The following HIVEP3 variants were observed in gnomAD, a reference collection of about 807,000 sequenced individuals.
The protein encoded by HIVEP3 is HIVEP zinc finger 3, also known as transcription factor HIVEP3.
HIVEP3 carries 49 observed loss-of-function variants against 152.8 expected under a neutral mutation model. The ratio of observed to expected loss-of-function variants is 0.32; its 90% CI spans 0.26 to 0.41. The LOEUF (loss-of-function observed/expected upper bound fraction) is 0.41, where lower values mean the gene tolerates loss of function less well. HIVEP3 is among the 10% of genes least tolerant of loss of function. The probability of loss-of-function intolerance (pLI) is 1.00; values close to 1 mark genes in which losing one functional copy is unlikely to be tolerated. For missense variants in HIVEP3, 2,790 were observed against 3,103.3 expected (o/e 0.90, Z 2.40); for synonymous variants, 1,269 against 1,289.0 (o/e 0.98, Z 0.33).
intron 1 of HIVEP3, among the ~76,000 whole-genome samples, chr1:41,807,300 G>A (rs1650690723): frequency 6.6e-6 from 1 of 152,162 alleles, no homozygotes; most frequent in Non-Finnish European, 1.5e-5. Context: ...ACGATGAAGG[G>A]AAGTGCAAAC....
rs1474050479 is a variant in HIVEP3, at chr1:41,662,591, G to T, written c.-720-33644C>A. ...GCAGATGGGCCCGGGCGCGGCTGGC[G>T]GCTGCCAGGGGAGGGTCTCCTCGCC... On this transcript the variant is annotated intron_variant, in intron 2 of 8. Transcript: ENST00000372583. The surrounding 1 kb of genome is among the most constrained non-coding windows in gnomAD (Gnocchi z 7.2). Among the ~76,000 whole-genome samples the T allele has an allele frequency of 6.6e-6, 1 of 150,994 alleles. No individual in the cohort carries two copies. The highest frequency in any genetic ancestry group is 2.0e-4 in the East Asian group (1 of 5,070).
In HIVEP3 at chr1:41,580,678, G is replaced by A. The variant is rs1448322833; in HGVS notation, c.4120C>T (p.His1374Tyr). 5 of 1,612,030 alleles carry A rather than the reference G, an allele frequency of 3.1e-6. No individual in the cohort carries two copies. The highest frequency in any genetic ancestry group is 4.2e-6 in the Non-Finnish European group (5 of 1,178,992). The change falls in exon 4 of 9, where the codon CAT (histidine) becomes TAT (tyrosine). Residue 1374 changes from histidine (H) to tyrosine (Y), a missense_variant. Physicochemically the swap from His to Tyr is moderately conservative, Grantham distance 83. This residue lies in a region of HIVEP3 where 1,078 missense variants were observed against 1,165.3 expected (regional missense o/e 0.93). Coordinates refer to ENST00000372583, the MANE Select transcript of HIVEP3 (RefSeq NM_024503.5). ...CCAGAAGGGCCGGGCCCAACCTCATGCACATCTGCACCACATACAGTCGTC... is the reference window on the plus strand; with the variant it reads ...CCAGAAGGGCCGGGCCCAACCTCATACACATCTGCACCACATACAGTCGTC... ...KGTTVCGADV[H>Y]EVGPGPSGLS... is the part of the protein sequence containing the mutation.
At chr1:41,731,645 G>C (rs1011789639) in intron 1 of HIVEP3, among the ~76,000 whole-genome samples, 2 of 152,198 alleles carry the variant, frequency 1.3e-5, no homozygotes, top group African/African-American at 4.8e-5. Flanking sequence ...CTATGGAGAT[G>C]CCCATGTGGG....
At chr1:42,011,021 TAACA>T (rs1645489474) in intron 1 of HIVEP3, among the ~76,000 whole-genome samples, 1 of 152,192 alleles carries the variant, frequency 6.6e-6, no homozygotes, top group Non-Finnish European at 1.5e-5. Flanking sequence ...CCCACTGAAA[TAACA>T]AACTGCAAGC....
chr1:41,879,731 T>G (rs1298932778), intron 1 of HIVEP3, among the ~76,000 whole-genome samples: 1 of 152,208 alleles, frequency 6.6e-6, no homozygotes, highest in East Asian at 1.9e-4. Flanking sequence ...TAAGTACCTC[T>G]GACTTAGGGG....
intron 1 of HIVEP3, among the ~76,000 whole-genome samples, chr1:42,025,886 A>T (rs770318367): frequency 6.6e-6 from 1 of 152,138 alleles, no homozygotes; most frequent in Non-Finnish European, 1.5e-5. Context: ...CCTGGGCAAC[A>T]TGGCAAAACC....
At chr1:41,980,460 C>T (rs1645288079) in intron 1 of HIVEP3, among the ~76,000 whole-genome samples, 3 of 152,090 alleles carry the variant, frequency 2.0e-5, no homozygotes, top group South Asian at 4.1e-4. Context: ...ACAAAGACTA[C>T]CTATTATATG....
At chr1:41,658,582 C>A (rs1023988762) in intron 2 of HIVEP3, among the ~76,000 whole-genome samples, 2 of 152,188 alleles carry the variant, frequency 1.3e-5, no homozygotes, top group Non-Finnish European at 2.9e-5. Flanking sequence ...TTCACCCCCC[C>A]CATGAGCCTC....
chr1:41,776,863 C>A (rs72959400), intron 1 of HIVEP3, among the ~76,000 whole-genome samples: 3,564 of 152,254 alleles, frequency 0.023, 147 homozygotes, highest in African/African-American at 0.082. Flanking sequence ...ACTCTTACAG[C>A]AGATCTTCAC....
At chr1:41,776,117 C>T (rs114259836) in intron 1 of HIVEP3, among the ~76,000 whole-genome samples, 199 of 152,280 alleles carry the variant, frequency 1.3e-3, no homozygotes, top group African/African-American at 4.5e-3. Context: ...TAAACAAAGC[C>T]CTCAGTCAGA....
At chr1:41,952,367 A>C (rs1645113407) in intron 1 of HIVEP3, among the ~76,000 whole-genome samples, 1 of 152,112 alleles carries the variant, frequency 6.6e-6, no homozygotes, top group African/African-American at 2.4e-5. Context: ...GTCTCTCCAA[A>C]ATCTTCCTCA....
chr1:41,668,261 A>G (rs1410159223), intron 2 of HIVEP3, among the ~76,000 whole-genome samples: 5 of 152,250 alleles, frequency 3.3e-5, no homozygotes, highest in Admixed American at 6.5e-5. Flanking sequence ...TGCACACTAC[A>G]GAAAATAACT....
chr1:42,005,352 T>C (rs1265889441), intron 1 of HIVEP3, among the ~76,000 whole-genome samples: 1 of 152,134 alleles, frequency 6.6e-6, no homozygotes, highest in Non-Finnish European at 1.5e-5. Context: ...CATACATATA[T>C]ATGTATACAT....
Position 41,992,059 on chromosome 1 carries a change from C to A in HIVEP3, n.119+43748G>T, listed in dbSNP as rs377754551. ...CCAATATCATACTGAATGGGCAAAA[C>A]CTGGAAGCATTCCCTTTGAAAACTG... On this transcript the variant is annotated intron_variant and non_coding_transcript_variant, in intron 1 of 3. Transcript: ENST00000489103. 9.4e-5 allele frequency among the ~76,000 whole-genome samples: 14 copies of A among 148,524 alleles called. No homozygotes were observed. The South Asian group carries it at 1.1e-3, about 11-fold the overall frequency.
chr1:41,725,920 T>C (rs1487160936), intron 1 of HIVEP3, among the ~76,000 whole-genome samples: 1 of 152,194 alleles, frequency 6.6e-6, no homozygotes, highest in African/African-American at 2.4e-5. Context: ...CAACTATACA[T>C]TTAAAAGATA....
chr1:41,773,358 A>G (rs1314202328), intron 1 of HIVEP3, among the ~76,000 whole-genome samples: 1 of 152,218 alleles, frequency 6.6e-6, no homozygotes, highest in Non-Finnish European at 1.5e-5. Context: ...GAATGTGAAT[A>G]AAAACATCAC....
chr1:41,836,727 G>A (rs1036549881), intron 1 of HIVEP3, among the ~76,000 whole-genome samples: 1 of 152,144 alleles, frequency 6.6e-6, no homozygotes, highest in African/African-American at 2.4e-5. Context: ...GGTAGGATGC[G>A]ACTGGCAAAC....
intron 3 of HIVEP3, among the ~76,000 whole-genome samples, chr1:41,623,883 A>T (rs1389093161): frequency 1.5e-5 from 2 of 131,118 alleles, no homozygotes; most frequent in African/African-American, 6.3e-5. Flanking sequence ...ATGGCCACAG[A>T]GGCTCTCTGC....
At chr1:41,559,513 C>T (rs1558060324) in intron 5 of HIVEP3, among the ~76,000 whole-genome samples, 1 of 152,132 alleles carries the variant, frequency 6.6e-6, no homozygotes, top group Non-Finnish European at 1.5e-5. Flanking sequence ...TGCTTGGAAT[C>T]CTCTGGGGCT....
Sources: allele counts gnomAD v4.1 joint callset (sites outside exome capture counted in the v4.1 genomes callset), GRCh38; gene constraint gnomAD v4.1.1; regional missense constraint gnomAD v4.1.1; non-coding constraint Gnocchi (gnomAD v3.1); transcripts MANE v1.5; gene names NCBI Gene and HGNC (gene_info 2026-07-23, HGNC 2026-07-21).